NKAIN3: variants seen among roughly 807,000 people sequenced by gnomAD.
The protein encoded by NKAIN3 is sodium/potassium transporting ATPase interacting 3, also known as sodium/potassium-transporting ATPase subunit beta-1-interacting protein 3.
A neutral mutation model predicts 30.2 loss-of-function variants in NKAIN3; 25 were observed. The ratio of observed to expected loss-of-function variants is 0.83; its 90% CI spans 0.60 to 1.16. NKAIN3 has a LOEUF of 1.16. Among genes scored for constraint, NKAIN3 ranks in the 50% most tolerant of loss-of-function variants. The pLI is 0.00. For missense variants in NKAIN3, 225 were observed against 254.1 expected (o/e 0.89, Z 0.78); for synonymous variants, 91 against 89.6 (o/e 1.02, Z -0.09).
rs79703090 is a variant in NKAIN3, at chr8:62,759,686, A to C, written c.471+12557A>C. Among the ~76,000 whole-genome samples the C allele has an allele frequency of 4.0e-3, 604 of 152,300 alleles. 1 individual carries two copies. The highest frequency in any genetic ancestry group is 0.014 in the African/African-American group (567 of 41,568). ...ATGCTGCAGAAAGAGGGAAATAATG[A>C]TTAGAAAGTACATAGGCATGGGCAA... On this transcript the variant is annotated intron_variant, in intron 4 of 6. Coordinates refer to ENST00000623646, the MANE Select transcript of NKAIN3 (RefSeq NM_001304533.3).
chr8:62,476,370 GTTAAAGAA>G (rs1301223686), intron 1 of NKAIN3, among the ~76,000 whole-genome samples: 1 of 151,874 alleles, frequency 6.6e-6, no homozygotes, highest in East Asian at 1.9e-4. Flanking sequence ...TTTGTTTGCT[GTTAAAGAA>G]TTGTAGACCC....
At chr8:62,314,314 TC>T (rs1814543095) in intron 1 of NKAIN3, among the ~76,000 whole-genome samples, 1 of 152,164 alleles carries the variant, frequency 6.6e-6, no homozygotes, top group Non-Finnish European at 1.5e-5. Flanking sequence ...GCTGACATAA[TC>T]CAGAGTCATA....
intron 1 of NKAIN3, among the ~76,000 whole-genome samples, chr8:62,445,915 T>C (rs1204029743): frequency 6.6e-6 from 1 of 152,160 alleles, no homozygotes; most frequent in Non-Finnish European, 1.5e-5. Context: ...ATTATGTTTG[T>C]TAAGCACGAA....
intron 5 of NKAIN3, among the ~76,000 whole-genome samples, chr8:62,925,207 A>G (rs1822401073): frequency 6.6e-6 from 1 of 152,152 alleles, no homozygotes; most frequent in Admixed American, 6.5e-5. Context: ...ATCATATCTT[A>G]CCTACCGTAG....
rs577556255 is a variant in NKAIN3 at position 62,255,678 on chromosome 8, G to C, written c.54+6551G>C. ...AATGTGCATGTGGATTTGGACTTAC[G>C]GGTGGCAGAAGGTTGAGACCATGTC... On this transcript the variant is annotated intron_variant, in intron 1 of 6. Transcript: ENST00000623646. Among the ~76,000 whole-genome samples the C allele has an allele frequency of 2.0e-5, 3 of 152,280 alleles. No individual in the cohort carries two copies. The South Asian group carries it at 6.2e-4, about 32-fold the overall frequency.
chr8:62,309,697 TATG>T (rs1814365459), intron 1 of NKAIN3, among the ~76,000 whole-genome samples: 1 of 150,398 alleles, frequency 6.6e-6, no homozygotes, highest in Non-Finnish European at 1.5e-5. Context: ...TCTTGACAAG[TATG>T]ATTATTCAGA....
At chr8:62,393,025 C>G (rs1007759448) in intron 1 of NKAIN3, among the ~76,000 whole-genome samples, 2 of 151,876 alleles carry the variant, frequency 1.3e-5, no homozygotes, top group African/African-American at 4.8e-5. Context: ...TGGTGCAGGT[C>G]TCTAAATTTC....
intron 1 of NKAIN3, among the ~76,000 whole-genome samples, chr8:62,411,521 T>C (rs925651769): frequency 6.6e-6 from 1 of 152,134 alleles, no homozygotes; most frequent in African/African-American, 2.4e-5. Context: ...CTCTCACCAC[T>C]CTTATTCAAC....
intron 4 of NKAIN3, among the ~76,000 whole-genome samples, chr8:62,885,209 T>G (rs1338437311): frequency 6.6e-6 from 1 of 152,258 alleles, no homozygotes; most frequent in African/African-American, 2.4e-5. Context: ...TGAAATATTT[T>G]TAAAACTTCC....
intron 1 of NKAIN3, among the ~76,000 whole-genome samples, chr8:62,371,329 A>G (rs1258498156): frequency 1.3e-5 from 2 of 151,898 alleles, no homozygotes; most frequent in Non-Finnish European, 2.9e-5. Context: ...TTTGGAATAC[A>G]ATGAAACTAG....
intron 1 of NKAIN3, among the ~76,000 whole-genome samples, chr8:62,293,718 C>G (rs1813729004): frequency 6.6e-6 from 1 of 152,200 alleles, no homozygotes; most frequent in South Asian, 2.1e-4. Flanking sequence ...TGTCTGTTCT[C>G]AGATCTCAAA....
At chr8:62,541,847 T>C (rs1168130428) in intron 1 of NKAIN3, among the ~76,000 whole-genome samples, 1 of 152,208 alleles carries the variant, frequency 6.6e-6, no homozygotes, top group Admixed American at 6.5e-5. Flanking sequence ...TTGTTGAACT[T>C]TTTTCTCCCT....
At chr8:62,778,483 C>T (rs896005986) in intron 4 of NKAIN3, among the ~76,000 whole-genome samples, 19 of 152,060 alleles carry the variant, frequency 1.2e-4, no homozygotes, top group African/African-American at 4.6e-4. Context: ...TTCCCACAGT[C>T]ACCACTACCA....
intron 1 of NKAIN3, among the ~76,000 whole-genome samples, chr8:62,393,497 G>A (rs1428182585): frequency 6.6e-6 from 1 of 151,834 alleles, no homozygotes; most frequent in African/African-American, 2.4e-5. Flanking sequence ...ACTCCTTAGA[G>A]TGCTTTTATT....
chr8:62,280,669 G>A (rs889173773), intron 1 of NKAIN3, among the ~76,000 whole-genome samples: 3 of 152,100 alleles, frequency 2.0e-5, no homozygotes, highest in African/African-American at 7.2e-5. Flanking sequence ...TTATATGCTG[G>A]ATTACATTTA....
intron 1 of NKAIN3, among the ~76,000 whole-genome samples, chr8:62,480,309 T>G (rs968129857): frequency 6.6e-6 from 1 of 152,190 alleles, no homozygotes; most frequent in Non-Finnish European, 1.5e-5. Context: ...GAGGCTATGT[T>G]AATTAGTGCA....
intron 1 of NKAIN3, among the ~76,000 whole-genome samples, chr8:62,541,607 A>T (rs1437333985): frequency 6.6e-6 from 1 of 151,452 alleles, no homozygotes; most frequent in Non-Finnish European, 1.5e-5. Flanking sequence ...TTCCTTAAAA[A>T]CTTCCATGAT....
chr8:62,863,576 T>A, intron 4 of NKAIN3: 1 of 1,159,718 alleles, frequency 8.6e-7, no homozygotes, highest in East Asian at 2.4e-5. Flanking sequence ...CATGCAGACA[T>A]GTATCCCATT....
At chr8:62,599,286 G>T (rs1489834204) in intron 3 of NKAIN3, among the ~76,000 whole-genome samples, 1 of 151,990 alleles carries the variant, frequency 6.6e-6, no homozygotes, top group African/African-American at 2.4e-5. Context: ...TGAAGGTAAT[G>T]GATGCCTTGT....
Sources: gnomAD v4.1 joint callset for allele counts (sites outside exome capture counted in the v4.1 genomes callset) on GRCh38, gnomAD v4.1.1 for gene constraint, MANE v1.5 for transcripts, NCBI Gene and HGNC (gene_info 2026-07-23, HGNC 2026-07-21) for gene names.